PTK2B: variants seen among roughly 807,000 people sequenced by gnomAD.
PTK2B encodes protein tyrosine kinase 2 beta.
PTK2B carries 71 observed loss-of-function variants against 142.9 expected under a neutral mutation model. The observed-to-expected ratio is 0.50, with a 90% CI of 0.41 to 0.61. The LOEUF is 0.61. Ranked by LOEUF, PTK2B falls within the 20% of genes least tolerant of loss-of-function variation. The pLI is 0.00. For missense variants in PTK2B, 1,105 were observed against 1,320.4 expected, an observed-to-expected ratio of 0.84 and a Z score of 2.53; for synonymous variants, 519 against 503.4, an observed-to-expected ratio of 1.03 and a Z score of -0.42.
chr8:27,443,587 C>T (rs1811290447), intron 22 of PTK2B, among the ~76,000 whole-genome samples: 1 of 152,210 alleles, frequency 6.6e-6, no homozygotes, highest in Non-Finnish European at 1.5e-5. Context: ...ACCTGGCAGA[C>T]ACAGAGTGGT....
chr8:27,396,890 G>A (rs567926790), intron 1 of PTK2B, among the ~76,000 whole-genome samples: 2 of 152,276 alleles, frequency 1.3e-5, no homozygotes, highest in South Asian at 4.1e-4. Flanking sequence ...GGGGCTGCTG[G>A]GCAGAGCGCT....
chr8:27,322,924 C>T (rs1038647260), upstream of PTK2B: 1 of 152,288 alleles, frequency 6.6e-6, no homozygotes, highest in Non-Finnish European at 1.5e-5. Flanking sequence ...CAGCCCACCC[C>T]ACTTGACCTT....
At chr8:27,330,791 T>C (rs142553793) in intron 1 of PTK2B, among the ~76,000 whole-genome samples, 1 of 151,988 alleles carries the variant, frequency 6.6e-6, no homozygotes, top group Admixed American at 6.5e-5. Context: ...GAATGCAGAG[T>C]TTAATTTTCA....
chr8:27,328,709 A>G (rs1322016317), intron 1 of PTK2B, among the ~76,000 whole-genome samples: 2 of 152,246 alleles, frequency 1.3e-5, no homozygotes, highest in African/African-American at 2.4e-5. Flanking sequence ...TAAGTCCTGC[A>G]TAAAAAGACA....
chr8:27,356,859 T>C (rs1805421348), intron 1 of PTK2B, among the ~76,000 whole-genome samples: 1 of 152,132 alleles, frequency 6.6e-6, no homozygotes, highest in African/African-American at 2.4e-5. Flanking sequence ...CTTTAAGAGA[T>C]GAAACTGTAG....
chr8:27,443,221 G>A (rs1811267789), intron 22 of PTK2B, among the ~76,000 whole-genome samples: 1 of 152,240 alleles, frequency 6.6e-6, no homozygotes, highest in African/African-American at 2.4e-5. Flanking sequence ...AGTGTCCCCT[G>A]AGGGGCTGGG....
In PTK2B at chr8:27,370,873, CTG is replaced by C. The variant is rs1806311729; in HGVS notation, c.-37-26672_-37-26671del. ...TTTTCTCTTATTTTTAAAGAGAAAA[CTG>C]TGGTGAGACTCTCAAGTTAGTCTTT... On this transcript the variant is annotated intron_variant, in intron 1 of 30. Transcript: ENST00000346049. Among the ~76,000 whole-genome samples the C allele has an allele frequency of 3.9e-5, 6 of 152,162 alleles. No homozygotes were observed. In the South Asian group the frequency reaches 1.2e-3, roughly 32 times the overall value.
intron 1 of PTK2B, among the ~76,000 whole-genome samples, chr8:27,350,377 CCCCA>C (rs1466563688): frequency 1.8e-5 from 1 of 54,126 alleles, no homozygotes; most frequent in Non-Finnish European, 4.9e-5. Context: ...GAGAGACTTC[CCCCA>C]GCCAGGCAAT....
At position 27,442,937 on chromosome 8, in the gene PTK2B, C is replaced by A. The variant is rs1811244858; in HGVS notation, c.2102C>A (p.Thr701Asn). The A allele has an allele frequency of 1.9e-6, 3 of 1,614,134 alleles. No individual in the cohort carries two copies. The highest frequency in any genetic ancestry group is 4.5e-5 in the East Asian group (2 of 44,884). ...CAAGAGAGGAATGCTCGCTACCGAA[C>A]CCCCAAAATCTTGGAGCCCACAGCC... Reference protein sequence around the residue: ...MEQERNARYRTPKILEPTAFQ... With the variant: ...MEQERNARYRNPKILEPTAFQ... The change falls in exon 22 of 31, where the codon ACC becomes AAC. Residue 701 changes from threonine (T) to asparagine (N), a missense_variant. Coordinates refer to ENST00000346049, the MANE Select transcript of PTK2B (RefSeq NM_173176.3).
chr8:27,369,202 CT>C (rs1806193782), intron 1 of PTK2B, among the ~76,000 whole-genome samples: 1 of 152,172 alleles, frequency 6.6e-6, no homozygotes, highest in Non-Finnish European at 1.5e-5. Flanking sequence ...GCCCTAAGAC[CT>C]CTTCCTCCAC....
intron 5 of PTK2B, among the ~76,000 whole-genome samples, chr8:27,424,951 C>T (rs1212863653): frequency 6.6e-6 from 1 of 152,062 alleles, no homozygotes; most frequent in Non-Finnish European, 1.5e-5. Flanking sequence ...TGAAATGAAT[C>T]CTCCATGGAG....
At chr8:27,402,324 C>T (rs144911411) in intron 2 of PTK2B, among the ~76,000 whole-genome samples, 69 of 152,256 alleles carry the variant, frequency 4.5e-4, no homozygotes, top group African/African-American at 1.6e-3. Context: ...GAGGAGAAAT[C>T]CACTGCAGAG....
intron 1 of PTK2B, among the ~76,000 whole-genome samples, chr8:27,361,989 A>G (rs947189306): frequency 1.7e-4 from 26 of 152,180 alleles, no homozygotes; most frequent in Admixed American, 1.7e-3. Flanking sequence ...AAGGTGATGC[A>G]CCGATCGTGC....
At chr8:27,313,664 C>T (rs1424384961) in intron 3 of PTK2B, among the ~76,000 whole-genome samples, 1 of 152,150 alleles carries the variant, frequency 6.6e-6, no homozygotes, top group African/African-American at 2.4e-5. Context: ...TGTACACATG[C>T]CCATCTGAGG....
intron 1 of PTK2B, among the ~76,000 whole-genome samples, chr8:27,387,492 C>G (rs1807439860): frequency 6.6e-6 from 1 of 152,180 alleles, no homozygotes; most frequent in Non-Finnish European, 1.5e-5. Flanking sequence ...ACCAGCAATC[C>G]ATCCTGCGTT....
rs1586163918 is a variant in PTK2B, at chr8:27,363,032, A to G, written c.-37-34516A>G. Among the ~76,000 whole-genome samples the G allele has an allele frequency of 6.6e-6, 1 of 152,200 alleles. No homozygotes were observed. The highest frequency in any genetic ancestry group is 1.5e-5 in the Non-Finnish European group (1 of 68,038). On this transcript the variant is annotated intron_variant, in intron 1 of 30. Coordinates refer to ENST00000346049, the MANE Select transcript of PTK2B (RefSeq NM_173176.3). This position sits in a 1 kb window ranked among gnomAD's most constrained non-coding sequence, Gnocchi z 4.3. Reference sequence around the variant, plus strand: ...AATTTTTGTGGAAGCAGCTCCTTGGATAGCATCACTCCTGTTCTCGTCATG... The same window carrying G: ...AATTTTTGTGGAAGCAGCTCCTTGGGTAGCATCACTCCTGTTCTCGTCATG...
chr8:27,341,800 A>G (rs1804418393), intron 1 of PTK2B, among the ~76,000 whole-genome samples: 1 of 152,044 alleles, frequency 6.6e-6, no homozygotes. Context: ...CAGCCTCCCT[A>G]GTAGCTGGGA....
intron 1 of PTK2B, among the ~76,000 whole-genome samples, chr8:27,354,932 T>C (rs568201147): frequency 1.7e-4 from 26 of 152,172 alleles, no homozygotes; most frequent in Non-Finnish European, 3.7e-4. Context: ...ATACTGCTTA[T>C]GTCTAGAGCT....
At chr8:27,408,502 A>G (rs1013880235) in intron 2 of PTK2B, among the ~76,000 whole-genome samples, 11 of 152,236 alleles carry the variant, frequency 7.2e-5, no homozygotes, top group Admixed American at 3.9e-4. Context: ...AAAAATGGAC[A>G]ATTTCTCCTC....
Sources: gnomAD v4.1 joint callset for allele counts (sites outside exome capture counted in the v4.1 genomes callset) on GRCh38, gnomAD v4.1.1 for gene constraint, Gnocchi (gnomAD v3.1) non-coding constraint, MANE v1.5 for transcripts, NCBI Gene and HGNC (gene_info 2026-07-23, HGNC 2026-07-21) for gene names.